The following CDH10 variants were observed in gnomAD, a reference collection of about 807,000 sequenced individuals.
CDH10 encodes cadherin-10.
Under a neutral mutation model 73.1 loss-of-function variants are expected in CDH10, and 30 were observed. That is an observed-to-expected ratio of 0.41 (90% CI 0.31 to 0.56). The LOEUF (loss-of-function observed/expected upper bound fraction) is 0.56, where lower values mean the gene tolerates loss of function less well. Ranked by LOEUF, CDH10 falls within the 20% of genes least tolerant of loss-of-function variation. The pLI, the probability that CDH10 is intolerant of heterozygous loss-of-function variation, is 0.27. For synonymous variants in CDH10, 345 were observed against 348.2 expected (o/e 0.99, Z 0.10); for missense variants, 815 against 973.7 (o/e 0.84, Z 2.17).
chr5:24,488,137 A>C lies in CDH10; in HGVS notation c.1893T>G (p.Phe631Leu). 6.2e-7 allele frequency: 1 copy of C among 1,611,158 alleles called. No individual in the cohort carries two copies. The highest frequency in any genetic ancestry group is 8.5e-7 in the Non-Finnish European group (1 of 1,178,798). The change falls in exon 12 of 12, where the codon TTT becomes TTG. Residue 631 changes from phenylalanine (F) to leucine (L), a missense_variant. This residue lies in a region of CDH10 where 241 missense variants were observed against 240.3 expected (regional missense o/e 1.00). Transcript: ENST00000264463. ...IIILLVIVVL[F>L]AALKRQRKKE... ...TTTTTCGCTGTCTTTTCAGAGCTGC[A>C]AACAGTACTACTATAACTTGAAAAA...
At chr5:24,535,859 CCA>C in intron 3 of CDH10, 37 bp from the exon 4 acceptor site, 4 of 1,493,134 alleles carry the variant, frequency 2.7e-6, no homozygotes, top group Non-Finnish European at 3.6e-6. Flanking sequence ...CTGCACAGTA[CCA>C]GAAGGAGGAG....
chr5:24,575,263 GAGGCATGAGAATCGCTTGA>G (rs1262651236), intron 2 of CDH10, among the ~76,000 whole-genome samples: 1 of 62,696 alleles, frequency 1.6e-5, no homozygotes, highest in Non-Finnish European at 6.1e-5. Context: ...TCAGGAGGCT[GAGGCATGAGAATCGCTTGA>G]ACCCGGGAGG....
intron 2 of CDH10, among the ~76,000 whole-genome samples, chr5:24,581,619 A>T (rs1458602251): frequency 6.6e-6 from 1 of 152,188 alleles, no homozygotes; most frequent in Non-Finnish European, 1.5e-5. Context: ...TTGGTGTTCC[A>T]CGCCTGTTAT....
chr5:24,580,322 T>C (rs1745753262), intron 2 of CDH10, among the ~76,000 whole-genome samples: 2 of 152,184 alleles, frequency 1.3e-5, no homozygotes, highest in Non-Finnish European at 1.5e-5. Flanking sequence ...TTTGTTTAAC[T>C]ATTTTTATTG....
intron 1 of CDH10, among the ~76,000 whole-genome samples, chr5:24,617,406 A>G (rs1307914179): frequency 1.3e-5 from 2 of 152,184 alleles, no homozygotes; most frequent in Non-Finnish European, 2.9e-5. Context: ...AACTTTAAAC[A>G]AAATGTAGAA....
intron 1 of CDH10, among the ~76,000 whole-genome samples, chr5:24,637,302 A>G (rs1747896721): frequency 6.6e-6 from 1 of 151,970 alleles, no homozygotes; most frequent in African/African-American, 2.4e-5. Context: ...GGATGAATAA[A>G]TAAAATGCTT....
At chr5:24,525,204 GTTTC>G (rs1743484029) in intron 5 of CDH10, among the ~76,000 whole-genome samples, 1 of 151,864 alleles carries the variant, frequency 6.6e-6, no homozygotes, top group South Asian at 2.1e-4. Flanking sequence ...AACAGCTGCT[GTTTC>G]TTTTTGTTGA....
intron 2 of CDH10, among the ~76,000 whole-genome samples, chr5:24,554,531 A>C (rs1377324227): frequency 7.6e-6 from 1 of 130,782 alleles, no homozygotes. Context: ...CACGTGCATG[A>C]TTTTTCTTGA....
chr5:24,637,583 G>T (rs1220064366), intron 1 of CDH10, among the ~76,000 whole-genome samples: 1 of 151,878 alleles, frequency 6.6e-6, no homozygotes. Context: ...AGAAGGGAAT[G>T]CGTCACAGTA....
intron 5 of CDH10, among the ~76,000 whole-genome samples, chr5:24,518,689 T>G (rs992859182): frequency 1.4e-4 from 22 of 152,008 alleles, no homozygotes; most frequent in Middle Eastern, 3.2e-3. Context: ...TCAATGAATA[T>G]CATGTTTTTT....
rs368586629 is a variant in CDH10 at position 24,616,551 on chromosome 5, A to AT, written c.-123-22939dup. On this transcript the variant is annotated intron_variant, in intron 1 of 11. Transcript: ENST00000264463. ...AAGAAAAGGCTATTAGTAGATTGCA[A>AT]TTTTTTTTTTCAAAATCTGCACATA... Among the ~76,000 whole-genome samples, 1,388 of 150,596 alleles carry AT rather than the reference A, an allele frequency of 9.2e-3. 16 individuals are homozygous for AT. The highest frequency in any genetic ancestry group is 0.028 in the East Asian group (143 of 5,138).
chr5:24,545,164 A>G (rs1362005367), intron 2 of CDH10, among the ~76,000 whole-genome samples: 1 of 152,188 alleles, frequency 6.6e-6, no homozygotes, highest in Admixed American at 6.5e-5. Flanking sequence ...GACTCTTCTT[A>G]TATTTTTGAA....
chr5:24,522,004 G>A (rs1743349682), intron 5 of CDH10, among the ~76,000 whole-genome samples: 2 of 151,870 alleles, frequency 1.3e-5, no homozygotes, highest in South Asian at 4.1e-4. Context: ...TATGGTGGCA[G>A]GCGCCTGTAG....
chr5:24,514,884 T>C (rs1305446514), intron 5 of CDH10, among the ~76,000 whole-genome samples: 1 of 152,098 alleles, frequency 6.6e-6, no homozygotes, highest in Non-Finnish European at 1.5e-5. Context: ...TTGAGATATA[T>C]ATATACAACT....
intron 2 of CDH10, among the ~76,000 whole-genome samples, chr5:24,592,504 T>C (rs900174650): frequency 1.8e-4 from 28 of 151,816 alleles, no homozygotes; most frequent in African/African-American, 6.3e-4. Context: ...TAGATTCAGA[T>C]AGCGTCAAGA....
intron 2 of CDH10, among the ~76,000 whole-genome samples, chr5:24,564,541 G>A (rs1745096290): frequency 6.6e-6 from 1 of 152,078 alleles, no homozygotes; most frequent in East Asian, 1.9e-4. Flanking sequence ...ATGGAGCTGA[G>A]ACCTCTGCCC....
chr5:24,623,595 A>G (rs919553757), intron 1 of CDH10, among the ~76,000 whole-genome samples: 1 of 152,182 alleles, frequency 6.6e-6, no homozygotes, highest in African/African-American at 2.4e-5. Context: ...CCCAAAAGAG[A>G]TATTTTCAGG....
intron 5 of CDH10, among the ~76,000 whole-genome samples, chr5:24,527,233 A>C (rs1743564234): frequency 6.7e-6 from 1 of 148,348 alleles, no homozygotes; most frequent in East Asian, 2.0e-4. Context: ...ATATAGTCAT[A>C]TATACTTACA....
At chr5:24,603,354 A>G (rs1021447924) in intron 1 of CDH10, among the ~76,000 whole-genome samples, 1 of 152,240 alleles carries the variant, frequency 6.6e-6, no homozygotes, top group Non-Finnish European at 1.5e-5. Flanking sequence ...TGACACCAAA[A>G]CGATAAAACA....
Sources: gnomAD v4.1 joint callset for allele counts (sites outside exome capture counted in the v4.1 genomes callset) on GRCh38, gnomAD v4.1.1 for gene constraint, gnomAD v4.1.1 regional missense constraint, MANE v1.5 for transcripts, NCBI Gene and HGNC (gene_info 2026-07-23, HGNC 2026-07-21) for gene names.